Variants in MIER3 observed in about 807,000 individuals in gnomAD.
MIER3 encodes the protein mesoderm induction early response protein 3.
MIER3 carries 9 observed loss-of-function variants against 63.2 expected under a neutral mutation model. The ratio of observed to expected loss-of-function variants is 0.14; its 90% CI spans 0.09 to 0.25. The LOEUF (loss-of-function observed/expected upper bound fraction) is 0.25. Among genes scored for constraint, MIER3 ranks in the 10% least tolerant of loss-of-function variants. The pLI is 1.00. For synonymous variants in MIER3, 205 were observed against 224.9 expected, an observed-to-expected ratio of 0.91 and a Z score of 0.79; for missense variants, 512 against 666.2, an observed-to-expected ratio of 0.77 and a Z score of 2.55.
intron 2 of MIER3, among the ~76,000 whole-genome samples, chr5:56,949,969 A>C (rs535157646): frequency 1.8e-4 from 28 of 152,202 alleles, no homozygotes; most frequent in Non-Finnish European, 4.1e-4. Context: ...GTAATTATGC[A>C]TATGTGCAGA....
At chr5:56,928,247 G>A (rs1002326765) in intron 10 of MIER3, 1 of 152,280 alleles carries the variant, frequency 6.6e-6, no homozygotes, top group African/African-American at 2.4e-5. Flanking sequence ...TATACGGTAA[G>A]AGTATGGTTG....
At chr5:56,943,810 CAGCTTAGA>C (rs1750733339) in intron 3 of MIER3, among the ~76,000 whole-genome samples, 1 of 152,158 alleles carries the variant, frequency 6.6e-6, no homozygotes, top group African/African-American at 2.4e-5. Flanking sequence ...GTAGCTAAAT[CAGCTTAGA>C]AGTGTGATCC....
At chr5:56,951,936 G>C (rs1488690990) in intron 1 of MIER3, among the ~76,000 whole-genome samples, 158 bp downstream of exon 1, 2 of 148,554 alleles carry the variant, frequency 1.3e-5, no homozygotes, top group Non-Finnish European at 3.0e-5. Context: ...GGCCAGCCCC[G>C]CCACGGCCAG....
At chr5:56,929,005 A>ACACACACACACT (rs777014337) in intron 9 of MIER3, 144 bp from the exon 10 acceptor site, 335 of 510,964 alleles carry the variant, frequency 6.6e-4, no homozygotes, top group African/African-American at 6.2e-3. Context: ...ACACACACAC[A>ACACACACACACT]CTCTCTCTCT....
chr5:56,938,288 T>A (rs1328952823), intron 4 of MIER3: 2 of 471,088 alleles, frequency 4.2e-6, no homozygotes, highest in African/African-American at 4.0e-5. Flanking sequence ...GGGAACAATA[T>A]AACTCACAGG....
At chr5:56,952,184 A>ACCG (rs1376010028), upstream of MIER3, 2 of 1,097,568 alleles carry the variant, frequency 1.8e-6, no homozygotes, top group South Asian at 4.1e-5. Context: ...CGCCGCCGCC[A>ACCG]CCGCCGCGGT....
At chr5:56,946,449 G>A (rs993596983) in intron 3 of MIER3, among the ~76,000 whole-genome samples, 3 of 151,974 alleles carry the variant, frequency 2.0e-5, no homozygotes, top group African/African-American at 7.3e-5. Context: ...AAGGAGCAGG[G>A]GATGGGATAT....
intron 3 of MIER3, among the ~76,000 whole-genome samples, chr5:56,945,572 T>C (rs1016851926): frequency 1.3e-5 from 2 of 152,236 alleles, no homozygotes; most frequent in East Asian, 3.8e-4. Flanking sequence ...TATTTTAGTA[T>C]GTTTAGTAAC....
intron 8 of MIER3, among the ~76,000 whole-genome samples, chr5:56,931,048 C>A (rs1166231446): frequency 1.3e-5 from 2 of 152,100 alleles, no homozygotes; most frequent in Non-Finnish European, 2.9e-5. Context: ...ATTAGAGTTT[C>A]CCCTATTTTA....
intron 3 of MIER3, among the ~76,000 whole-genome samples, chr5:56,945,548 T>G (rs746802562): frequency 4.6e-5 from 7 of 152,200 alleles, no homozygotes; most frequent in Non-Finnish European, 1.0e-4. Context: ...TATATAAAGA[T>G]ATTACATAAA....
chr5:56,950,699 A>C, intron 1 of MIER3, 47 bp from the exon 2 acceptor site: 1 of 1,609,106 alleles, frequency 6.2e-7, no homozygotes, highest in Non-Finnish European at 8.5e-7. Flanking sequence ...ACAGCCAGGG[A>C]AAGAGGCAGC....
rs1313626850 is a variant in MIER3, at chr5:56,922,000, T to A, written c.*1128A>T. 1 of 152,652 alleles carries A rather than the reference T, an allele frequency of 6.6e-6. No individual in the cohort carries two copies. Among genetic ancestry groups the A allele is most frequent in the East Asian group, 1.9e-4 (1 of 5,202 alleles). 9.5% of individuals were successfully genotyped at this position (152,652 alleles called of 1,614,324 possible). A position where few individuals can be genotyped will look rare whatever the true frequency, so the allele number is the denominator to read the frequency against. On this transcript the variant is annotated 3_prime_UTR_variant, in exon 13 of 13. Transcript: ENST00000381199. ...TCTATCAATTTTTAAAACTTAAAAG[T>A]GGTAATGTACCATTCTATTTCAGAT...
chr5:56,952,120 G>A lies in MIER3; in HGVS notation c.-18C>T, dbSNP rs1178131552. The A allele has an allele frequency of 7.8e-7, 1 of 1,282,716 alleles. No individual in the cohort carries two copies. Among genetic ancestry groups the A allele is most frequent in the Non-Finnish European group, 1.0e-6 (1 of 997,324 alleles). 79.5% of individuals were successfully genotyped at this position (1,282,716 alleles called of 1,614,324 possible). On this transcript the variant is annotated 5_prime_UTR_variant, in exon 1 of 13. Coordinates refer to ENST00000381199, the MANE Select transcript of MIER3 (RefSeq NM_001297599.2). ...TCCGCCATATTGGTACCTTTAGGGC[G>A]AACGAGCAGCGCCGAGCCCAGTCCC... is the stretch of plus-strand genomic sequence containing the variant.
chr5:56,924,567 C>A (rs981570895), intron 10 of MIER3, among the ~76,000 whole-genome samples: 17 of 152,200 alleles, frequency 1.1e-4, no homozygotes, highest in African/African-American at 3.9e-4. Flanking sequence ...GGCAAATGGA[C>A]CAACGGTCTA....
intron 8 of MIER3, among the ~76,000 whole-genome samples, chr5:56,931,609 A>G (rs1246422059): frequency 6.6e-6 from 1 of 152,198 alleles, no homozygotes; most frequent in African/African-American, 2.4e-5. Context: ...ATAGATGGAT[A>G]TTATCTTGCT....
chr5:56,930,827 T>C (rs1750239962), intron 8 of MIER3, 82 bp from the exon 9 acceptor site: 2 of 1,107,924 alleles, frequency 1.8e-6, no homozygotes, highest in South Asian at 1.3e-5. Flanking sequence ...TTTTGATAAA[T>C]ATTGGAGTCT....
At chr5:56,935,808 A>G (rs187075841) in intron 5 of MIER3, 57 bp from the exon 6 acceptor site, 243 of 1,302,232 alleles carry the variant, frequency 1.9e-4, no homozygotes, top group South Asian at 1.2e-3. Flanking sequence ...AACCTGGAAG[A>G]ATGCCTGTTG....
At chr5:56,950,351 G>A (rs1344161040) in intron 2 of MIER3, among the ~76,000 whole-genome samples, 3 of 152,044 alleles carry the variant, frequency 2.0e-5, no homozygotes, top group African/African-American at 7.3e-5. Context: ...TTTCAGGCTC[G>A]GAGGAAAAAT....
Position 56,923,091 on chromosome 5 carries a change from T to C in MIER3, c.*37A>G. On this transcript the variant is annotated 3_prime_UTR_variant, in exon 13 of 13. Transcript: ENST00000381199. The stretch of plus-strand genomic sequence containing the variant: ...ACCTGATAGCTCCCCTCAAGTTTAC[T>C]GGTGCTGCACACGCAGTTCCGGGAT... 6.3e-7 allele frequency: 1 copy of C among 1,578,654 alleles called. No individual in the cohort carries two copies. Among genetic ancestry groups the C allele is most frequent in the South Asian group, 1.1e-5 (1 of 89,278 alleles).
Sources: gnomAD v4.1 joint callset for allele counts (sites outside exome capture counted in the v4.1 genomes callset) on GRCh38, gnomAD v4.1.1 for gene constraint, MANE v1.5 for transcripts, NCBI Gene and HGNC (gene_info 2026-07-23, HGNC 2026-07-21) for gene names.